Variants in NDC1 observed in about 807,000 individuals in gnomAD.
NDC1 encodes nucleoporin NDC1.
A neutral mutation model predicts 89.8 loss-of-function variants in NDC1; 24 were observed. The observed-to-expected ratio is 0.27, with a 90% CI of 0.19 to 0.38. NDC1 has a LOEUF of 0.38. Among genes scored for constraint, NDC1 ranks in the 10% least tolerant of loss-of-function variants. The pLI is 1.00. For synonymous variants in NDC1, 296 were observed against 284.8 expected (o/e 1.04, Z -0.39); for missense variants, 728 against 797.6 (o/e 0.91, Z 1.05).
At chr1:53,803,839 G>A (rs922804580) in intron 10 of NDC1, 89 bp downstream of exon 10, 53 of 973,036 alleles carry the variant, frequency 5.4e-5, no homozygotes, top group Middle Eastern at 2.1e-4. Flanking sequence ...CCAAAGTGCT[G>A]GGATTACAGG....
chr1:53,775,788 T>C (rs936542991), intron 16 of NDC1, among the ~76,000 whole-genome samples: 5 of 152,166 alleles, frequency 3.3e-5, no homozygotes, highest in African/African-American at 1.2e-4. Flanking sequence ...TTTAAGTTCT[T>C]ATTATAAAAT....
chr1:53,790,899 C>T (rs972814826), intron 14 of NDC1, among the ~76,000 whole-genome samples: 3 of 152,152 alleles, frequency 2.0e-5, no homozygotes, highest in Non-Finnish European at 4.4e-5. Context: ...GATCAAGTCA[C>T]GGCATTTTGG....
rs1006570724 is a variant in NDC1 at position 53,766,204 on chromosome 1, A to C, written c.*1766T>G. On this transcript the variant is annotated 3_prime_UTR_variant, in exon 18 of 18. Coordinates refer to ENST00000371429, the MANE Select transcript of NDC1 (RefSeq NM_018087.5). ...ACCTAGCTGGACATTTTATACAAGT[A>C]AGTCAAAGTTCAAAGGAATCATCCT... 3.3e-5 allele frequency: 5 copies of C among 152,208 alleles called. No homozygotes were observed. The highest frequency in any genetic ancestry group is 7.4e-5 in the Non-Finnish European group (5 of 68,026). 9.4% of individuals were successfully genotyped at this position (152,208 alleles called of 1,614,324 possible). A position where few individuals can be genotyped will look rare whatever the true frequency, so the allele number is the denominator to read the frequency against.
At position 53,838,215 on chromosome 1, in the gene NDC1, A is replaced by C. The variant is rs1649304358; in HGVS notation, c.47T>G (p.Ile16Arg). 4.6e-6 allele frequency: 7 copies of C among 1,535,686 alleles called. No homozygotes were observed. The highest frequency in any genetic ancestry group is 6.1e-6 in the Non-Finnish European group (7 of 1,145,964). Residue 16 changes from isoleucine (I) to arginine (R), a missense_variant, in exon 1 of 18, where the codon ATA becomes AGA. Physicochemically the swap from Ile to Arg is moderately conservative, Grantham distance 97. Transcript: ENST00000371429. The part of the protein sequence containing the change: ...SRPCAGRSRD[I>R]LWRVLGWRIV... ...GCACGCCGCACTCACGCGCCACAGT[A>C]TGTCCCGCGACCTGCCGGCGCAGGG...
intron 6 of NDC1, among the ~76,000 whole-genome samples, chr1:53,814,930 CCAATAA>C (rs1648429182): frequency 6.6e-6 from 1 of 152,086 alleles, no homozygotes; most frequent in African/African-American, 2.4e-5. Flanking sequence ...CCTGAACAGA[CCAATAA>C]CAAGCAGTGA....
At chr1:53,800,891 A>G (rs1287066212) in intron 10 of NDC1, 43 bp from the exon 11 acceptor site, 2 of 1,520,698 alleles carry the variant, frequency 1.3e-6, no homozygotes, top group Admixed American at 2.2e-5. Flanking sequence ...AAATAATCTT[A>G]CATTCCCCTC....
rs1166136757 is a variant in NDC1 at position 53,767,837 on chromosome 1, G to A, written c.*133C>T. 3 of 458,624 alleles carry A rather than the reference G, an allele frequency of 6.5e-6. No homozygotes were observed. The highest frequency in any genetic ancestry group is 1.1e-5 in the Non-Finnish European group (3 of 260,978). The allele number at this position is 458,624 out of a possible 1,614,324, so 28.4% of individuals were successfully genotyped here. A position where few individuals can be genotyped will look rare whatever the true frequency, so the allele number is the denominator to read the frequency against. On this transcript the variant is annotated 3_prime_UTR_variant, in exon 18 of 18. Coordinates refer to ENST00000371429, the MANE Select transcript of NDC1 (RefSeq NM_018087.5). Reference sequence around the variant, plus strand: ...CCATGATTTCTCCCATTAAAGTATAGTTTTCAAAGCAACCACCACGACAAA... The same window carrying A: ...CCATGATTTCTCCCATTAAAGTATAATTTTCAAAGCAACCACCACGACAAA...
rs1247182862 is a variant in NDC1, at chr1:53,766,751, T to A, written c.*1219A>T. The A allele has an allele frequency of 6.6e-6, 1 of 152,182 alleles. No individual in the cohort carries two copies. 9.4% of individuals were successfully genotyped at this position (152,182 alleles called of 1,614,324 possible). ...TTCATATACAGTACTGTGCTGACTTTAAAGAAAATATTTTGGGACACTAGA... is the reference window on the plus strand; with the variant it reads ...TTCATATACAGTACTGTGCTGACTTAAAAGAAAATATTTTGGGACACTAGA... On this transcript the variant is annotated 3_prime_UTR_variant, in exon 18 of 18. Transcript: ENST00000371429.
intron 1 of NDC1, among the ~76,000 whole-genome samples, chr1:53,836,396 TA>T (rs1649233451): frequency 7.3e-6 from 1 of 136,664 alleles, no homozygotes; most frequent in Admixed American, 7.6e-5. Flanking sequence ...AAAAATTTTT[TA>T]AAAATTAGCC....
intron 8 of NDC1, among the ~76,000 whole-genome samples, chr1:53,807,300 T>G (rs1020399281): frequency 3.3e-5 from 5 of 151,420 alleles, no homozygotes; most frequent in Non-Finnish European, 5.9e-5. Context: ...ATTTAAATAT[T>G]TTAATAGTAG....
chr1:53,768,107 G>C, intron 17 of NDC1, 74 bp from the exon 18 acceptor site: 3 of 887,398 alleles, frequency 3.4e-6, no homozygotes, highest in South Asian at 2.1e-5. Context: ...AGAGCACAGA[G>C]ACAATATTTT....
chr1:53,815,955 G>C (rs1220735429), intron 6 of NDC1, among the ~76,000 whole-genome samples: 1 of 151,990 alleles, frequency 6.6e-6, no homozygotes, highest in South Asian at 2.1e-4. Context: ...ATCAGGCAAC[G>C]CAAACAAATG....
chr1:53,828,119 G>A lies in NDC1; in HGVS notation c.335C>T (p.Pro112Leu). Residue 112 changes from proline (P) to leucine (L), a missense_variant, in exon 4 of 18, where the codon CCT (proline) becomes CTT (leucine). Pro to Leu is a moderately conservative substitution (Grantham distance 98). Transcript: ENST00000371429. ...AATAAATGAGTGCATGAGTTGCTGA[G>A]GATGAATGATCTTCCCTATCAGAGC... ...RLALIGKIIH[P>L]QQLMHSFIHA... 6.2e-7 allele frequency: 1 copy of A among 1,614,112 alleles called. No homozygotes were observed. Among genetic ancestry groups the A allele is most frequent in the Non-Finnish European group, 8.5e-7 (1 of 1,180,012 alleles).
At chr1:53,827,284 A>C (rs1174785812) in intron 4 of NDC1, among the ~76,000 whole-genome samples, 1 of 151,672 alleles carries the variant, frequency 6.6e-6, no homozygotes, top group Non-Finnish European at 1.5e-5. Context: ...AAAAAAAAAA[A>C]AAACAAGGTC....
At chr1:53,773,711 A>G (rs1030354740) in intron 16 of NDC1, among the ~76,000 whole-genome samples, 2 of 151,830 alleles carry the variant, frequency 1.3e-5, no homozygotes. Context: ...GAGTGCCCAA[A>G]GAAAAGTCTT....
intron 8 of NDC1, 120 bp from the exon 9 acceptor site, chr1:53,806,637 G>T: frequency 4.0e-6 from 2 of 496,810 alleles, no homozygotes; most frequent in Non-Finnish European, 6.4e-6. Flanking sequence ...CGTGCTCCTT[G>T]CAAAGACAGG....
intron 14 of NDC1, among the ~76,000 whole-genome samples, chr1:53,792,044 G>A (rs1174987873): frequency 4.6e-5 from 7 of 151,822 alleles, no homozygotes; most frequent in African/African-American, 9.7e-5. Context: ...CCGGGTTCAT[G>A]CCATTCTCCT....
intron 5 of NDC1, among the ~76,000 whole-genome samples, chr1:53,823,506 T>C (rs1004588671): frequency 7.2e-5 from 11 of 152,224 alleles, no homozygotes; most frequent in African/African-American, 2.7e-4. Flanking sequence ...TTTATCAGCA[T>C]TGTCAACTAT....
chr1:53,804,084 AT>A, intron 9 of NDC1, 75 bp from the exon 10 acceptor site: 1 of 1,005,054 alleles, frequency 9.9e-7, no homozygotes, highest in Non-Finnish European at 1.5e-6. Flanking sequence ...TGGGTTCATC[AT>A]TATATATCCA....
Sources: allele counts gnomAD v4.1 joint callset (sites outside exome capture counted in the v4.1 genomes callset), GRCh38; gene constraint gnomAD v4.1.1; transcripts MANE v1.5; gene names NCBI Gene and HGNC (gene_info 2026-07-23, HGNC 2026-07-21).